The following TPPP variants were observed in gnomAD, a reference collection of about 807,000 sequenced individuals.
TPPP encodes the protein tubulin polymerization-promoting protein.
In TPPP, 6 loss-of-function variants were observed where a neutral mutation model predicts 15.5. The ratio of observed to expected loss-of-function variants is 0.39; its 90% CI spans 0.21 to 0.77. The LOEUF is 0.77. Ranked by LOEUF, TPPP falls within the 30% of genes least tolerant of loss-of-function variation. The pLI, the probability that TPPP is intolerant of heterozygous loss-of-function variation, is 0.42. For missense variants in TPPP, 269 were observed against 307.2 expected, an observed-to-expected ratio of 0.88 and a Z score of 0.93; for synonymous variants, 146 against 133.9, an observed-to-expected ratio of 1.09 and a Z score of -0.63.
intron 1 of TPPP, among the ~76,000 whole-genome samples, chr5:684,744 G>A (rs200791344): frequency 1.6e-5 from 1 of 62,664 alleles, no homozygotes; most frequent in Non-Finnish European, 3.8e-5. Context: ...AGCGCAGACG[G>A]TTCCTGTTTT....
chr5:663,340 TC>T lies in TPPP; in HGVS notation c.*1761del. ...GGCTGGGCTTGGGCACCCCCCGCCT[TC>T]CCCAGGCCGGTGAGGTGACATCCTA... On this transcript the variant is annotated 3_prime_UTR_variant, in exon 4 of 4. Coordinates refer to ENST00000360578, the MANE Select transcript of TPPP (RefSeq NM_007030.3). 6.6e-6 allele frequency: 1 copy of T among 152,562 alleles called. No homozygotes were observed. The highest frequency in any genetic ancestry group is 1.5e-5 in the Non-Finnish European group (1 of 68,096). The allele number at this position is 152,562 out of a possible 1,614,324, so 9.5% of individuals were successfully genotyped here. A position where few individuals can be genotyped will look rare whatever the true frequency, so the allele number is the denominator to read the frequency against.
At chr5:686,249 C>T (rs976755542) in intron 1 of TPPP, among the ~76,000 whole-genome samples, 30 of 152,364 alleles carry the variant, frequency 2.0e-4, no homozygotes, top group African/African-American at 6.5e-4. Context: ...GCTGCAGATG[C>T]GGTGGGACCT....
At chr5:697,809 G>C (rs1213425198), upstream of TPPP, among the ~76,000 whole-genome samples, 196 of 149,624 alleles carry the variant, frequency 1.3e-3, 1 homozygote, top group African/African-American at 4.6e-3. Flanking sequence ...AATCGAAGAG[G>C]GGGGATATCT....
rs528114636 is a variant in TPPP at position 669,464 on chromosome 5, G to A, written c.312-3341C>T. 5.9e-5 allele frequency among the ~76,000 whole-genome samples: 9 copies of A among 152,262 alleles called. No individual in the cohort carries two copies. In the South Asian group the frequency reaches 1.7e-3, roughly 28 times the overall value. On this transcript the variant is annotated intron_variant, in intron 2 of 3. Transcript: ENST00000360578. Reference sequence around the variant, plus strand: ...GACAGTGCCCATTGGGCCCTGTGGGGGTGTTGACTCTCTGGGGCCCTTGGG... The same window carrying A: ...GACAGTGCCCATTGGGCCCTGTGGGAGTGTTGACTCTCTGGGGCCCTTGGG...
At chr5:666,147 G>C in intron 2 of TPPP, 24 bp from the exon 3 acceptor site, 1 of 1,604,208 alleles carries the variant, frequency 6.2e-7, no homozygotes. Flanking sequence ...GGCGACTTAG[G>C]GCTGGGCGCG....
At chr5:669,094 A>G (rs946531868) in intron 2 of TPPP, among the ~76,000 whole-genome samples, 1 of 152,134 alleles carries the variant, frequency 6.6e-6, no homozygotes, top group Non-Finnish European at 1.5e-5. Context: ...CACAGCTCAG[A>G]CCCTCACGCC....
At chr5:672,856 T>C (rs573122706) in intron 2 of TPPP, among the ~76,000 whole-genome samples, 20 of 152,346 alleles carry the variant, frequency 1.3e-4, no homozygotes, top group African/African-American at 4.6e-4. Flanking sequence ...AAACCTGGCG[T>C]AAGGCTGCAA....
intron 3 of TPPP, among the ~76,000 whole-genome samples, 192 bp downstream of exon 3, chr5:665,778 A>G (rs1318586479): frequency 7.3e-6 from 1 of 137,678 alleles, no homozygotes; most frequent in Non-Finnish European, 1.6e-5. Flanking sequence ...TGCCCCATTC[A>G]TGCCCCTTCT....
chr5:685,233 C>T (rs1177797682), intron 1 of TPPP, among the ~76,000 whole-genome samples: 2 of 152,244 alleles, frequency 1.3e-5, no homozygotes, highest in African/African-American at 4.8e-5. Flanking sequence ...TGAGGCTCTG[C>T]CCCATAGAAG....
In TPPP at chr5:674,587, C is replaced by T. The variant is rs76372223; in HGVS notation, c.311+3163G>A. On this transcript the variant is annotated intron_variant, in intron 2 of 3. Coordinates refer to ENST00000360578, the MANE Select transcript of TPPP (RefSeq NM_007030.3). ...AGGCTCTGGCCCCTGACCTCCCGGG[C>T]ACAGCCCAGGTCACTGCTGCCTGCC... 6.7e-3 allele frequency among the ~76,000 whole-genome samples: 1,019 copies of T among 152,260 alleles called. 30 individuals carry two copies. Among genetic ancestry groups the T allele is most frequent in the African/African-American group, 0.023 (955 of 41,500 alleles).
chr5:670,140 C>A (rs1403834179), intron 2 of TPPP, among the ~76,000 whole-genome samples: 1 of 152,180 alleles, frequency 6.6e-6, no homozygotes, highest in South Asian at 2.1e-4. Flanking sequence ...CCTGGGGCCT[C>A]CAGGAGCTGG....
In TPPP at chr5:662,420, C is replaced by G. The variant is rs924649165; in HGVS notation, c.*2682G>C. 6.6e-6 allele frequency: 1 copy of G among 152,466 alleles called. No individual in the cohort carries two copies. Among genetic ancestry groups the G allele is most frequent in the Non-Finnish European group, 1.5e-5 (1 of 68,104 alleles). 9.4% of individuals were successfully genotyped at this position (152,466 alleles called of 1,614,324 possible). A position where few individuals can be genotyped will look rare whatever the true frequency, so the allele number is the denominator to read the frequency against. On this transcript the variant is annotated 3_prime_UTR_variant, in exon 4 of 4. Transcript: ENST00000360578. ...GAGGCAGCGTCCTGGTGCCCAGCAC[C>G]TCTCCTCAGTGTCCCTCGTCCCCAC... is the stretch of plus-strand genomic sequence containing the variant.
chr5:670,765 G>A (rs1197850468), intron 2 of TPPP, among the ~76,000 whole-genome samples: 1 of 152,196 alleles, frequency 6.6e-6, no homozygotes, highest in Non-Finnish European at 1.5e-5. Flanking sequence ...GCAAGATACA[G>A]AGGACCTAGA....
intron 2 of TPPP, among the ~76,000 whole-genome samples, chr5:672,501 T>C (rs753338816): frequency 2.6e-5 from 4 of 152,246 alleles, no homozygotes; most frequent in Non-Finnish European, 5.9e-5. Flanking sequence ...CTCCTTCCTC[T>C]GCCTCATCGG....
chr5:698,851 A>G, the TPPP span, among the ~76,000 whole-genome samples: 1 of 152,064 alleles, frequency 6.6e-6, no homozygotes, highest in Non-Finnish European at 1.5e-5. Flanking sequence ...ATGTACAGAA[A>G]TCAATAGCAT....
intron 1 of TPPP, among the ~76,000 whole-genome samples, chr5:685,653 C>T (rs142773012): frequency 2.2e-4 from 34 of 152,328 alleles, no homozygotes; most frequent in Non-Finnish European, 4.0e-4. Context: ...CTCGGGTCAA[C>T]AGGGTGCACC....
At chr5:694,318 G>A (rs942009756), upstream of TPPP, among the ~76,000 whole-genome samples, 2 of 146,984 alleles carry the variant, frequency 1.4e-5, no homozygotes, top group Non-Finnish European at 3.1e-5. Flanking sequence ...TGCCCTGGAG[G>A]AGGCCGAGGC....
intron 1 of TPPP, among the ~76,000 whole-genome samples, chr5:691,699 A>C (rs1189308442): frequency 5.7e-3 from 24 of 4,212 alleles, no homozygotes; most frequent in Admixed American, 8.7e-3. Flanking sequence ...AGCCCCCCAA[A>C]CCCCATCAAA....
At chr5:670,430 C>T (rs1340666770) in intron 2 of TPPP, among the ~76,000 whole-genome samples, 1 of 152,164 alleles carries the variant, frequency 6.6e-6, no homozygotes, top group Non-Finnish European at 1.5e-5. Context: ...GGGAAACAGC[C>T]TCTCCCTGTA....
Sources: allele counts gnomAD v4.1 joint callset (sites outside exome capture counted in the v4.1 genomes callset), GRCh38; gene constraint gnomAD v4.1.1; transcripts MANE v1.5; gene names NCBI Gene and HGNC (gene_info 2026-07-23, HGNC 2026-07-21).